Variants in B3GAT2 observed in about 807,000 individuals in gnomAD.
The protein encoded by B3GAT2 is beta-1,3-glucuronyltransferase 2.
A neutral mutation model predicts 27.8 loss-of-function variants in B3GAT2; 26 were observed. The ratio of observed to expected loss-of-function variants is 0.93; its 90% CI spans 0.68 to 1.30. The LOEUF (loss-of-function observed/expected upper bound fraction) is 1.30, where lower values mean the gene tolerates loss of function less well. Ranked by LOEUF, B3GAT2 falls within the 50% of genes most tolerant of loss-of-function variation. The probability of loss-of-function intolerance (pLI) is 0.00; values close to 1 mark genes in which losing one functional copy is unlikely to be tolerated. For missense variants in B3GAT2, 458 were observed against 459.0 expected, an observed-to-expected ratio of 1.00 and a Z score of 0.02; for synonymous variants, 218 against 195.1, an observed-to-expected ratio of 1.12 and a Z score of -0.98.
intron 1 of B3GAT2, among the ~76,000 whole-genome samples, chr6:70,944,257 G>T (rs572417945): frequency 2.6e-5 from 4 of 152,262 alleles, no homozygotes; most frequent in Admixed American, 2.6e-4. Flanking sequence ...GTGCCCAAGC[G>T]AAAGCAGGGC....
chr6:70,948,829 C>A (rs564681001), intron 1 of B3GAT2, among the ~76,000 whole-genome samples: 1 of 152,330 alleles, frequency 6.6e-6, no homozygotes, highest in Admixed American at 6.5e-5. Context: ...TGACTTCAAA[C>A]TATACTACAA....
At chr6:70,932,587 G>C (rs141987699) in intron 1 of B3GAT2, among the ~76,000 whole-genome samples, 3 of 152,130 alleles carry the variant, frequency 2.0e-5, no homozygotes, top group Non-Finnish European at 2.9e-5. Context: ...TACCTAGTCC[G>C]ATTCATGGAA....
chr6:70,912,358 T>A (rs1772701806), intron 1 of B3GAT2, among the ~76,000 whole-genome samples: 1 of 152,056 alleles, frequency 6.6e-6, no homozygotes, highest in African/African-American at 2.4e-5. Context: ...TTGCATTCAA[T>A]AGATGTATCT....
chr6:70,908,313 T>C (rs749509428), intron 1 of B3GAT2, among the ~76,000 whole-genome samples: 4 of 152,202 alleles, frequency 2.6e-5, no homozygotes, highest in African/African-American at 9.7e-5. Flanking sequence ...CACAGGAAAG[T>C]GGAAGCTTTC....
intron 1 of B3GAT2, among the ~76,000 whole-genome samples, chr6:70,937,066 G>A (rs1277279209): frequency 6.6e-6 from 1 of 151,842 alleles, no homozygotes; most frequent in Non-Finnish European, 1.5e-5. Flanking sequence ...ATGATAAAGG[G>A]GATATCACCA....
At chr6:70,933,731 C>T (rs186242435) in intron 1 of B3GAT2, among the ~76,000 whole-genome samples, 1 of 152,306 alleles carries the variant, frequency 6.6e-6, no homozygotes, top group Admixed American at 6.5e-5. Context: ...GCCAACAGAG[C>T]AGCACCTTGG....
At chr6:70,950,413 G>A (rs1435680760) in intron 1 of B3GAT2, among the ~76,000 whole-genome samples, 1 of 152,072 alleles carries the variant, frequency 6.6e-6, no homozygotes, top group Non-Finnish European at 1.5e-5. Context: ...TTCAAAAATG[G>A]CAGAAGACAG....
At chr6:70,929,613 A>C (rs971993795) in intron 1 of B3GAT2, among the ~76,000 whole-genome samples, 8 of 152,162 alleles carry the variant, frequency 5.3e-5, no homozygotes, top group Non-Finnish European at 1.0e-4. Context: ...AAGAGAATAA[A>C]ACACCCAGGA....
intron 1 of B3GAT2, among the ~76,000 whole-genome samples, chr6:70,927,567 A>C (rs191412122): frequency 4.6e-5 from 7 of 152,344 alleles, no homozygotes; most frequent in Admixed American, 2.0e-4. Flanking sequence ...CAAAGATCAA[A>C]AGAGACAAAG....
At chr6:70,907,387 C>G (rs891818251) in intron 1 of B3GAT2, among the ~76,000 whole-genome samples, 3 of 152,282 alleles carry the variant, frequency 2.0e-5, no homozygotes, top group Non-Finnish European at 4.4e-5. Context: ...AGCCTGAAGA[C>G]AAAGCTGACA....
chr6:70,872,483 G>A (rs529828043), intron 2 of B3GAT2, among the ~76,000 whole-genome samples: 27 of 139,936 alleles, frequency 1.9e-4, no homozygotes, highest in African/African-American at 7.2e-4. Flanking sequence ...TTTGTCTGGT[G>A]TTCATATAAT....
At chr6:70,925,599 G>C (rs1772942483) in intron 1 of B3GAT2, among the ~76,000 whole-genome samples, 2 of 152,326 alleles carry the variant, frequency 1.3e-5, no homozygotes, top group South Asian at 4.1e-4. Context: ...GACTGGGGGA[G>C]GGGCGTCTGC....
chr6:70,956,215 T>C lies in B3GAT2; in HGVS notation c.215A>G (p.Gln72Arg), dbSNP rs750778011. The C allele has an allele frequency of 1.2e-6, 2 of 1,612,336 alleles. No homozygotes were observed. The highest frequency in any genetic ancestry group is 4.5e-5 in the East Asian group (2 of 44,816). ...GGGCAGCTGCGGCTCCGGCTGTGGC[T>C]GCGGCCGAGACTGGTTGCGCTTTTG... is the stretch of plus-strand genomic sequence containing the variant. Reference protein sequence around the residue: ...GTQKRNQSRPQPQPEPQLPTI... With the variant: ...GTQKRNQSRPRPQPEPQLPTI... The change falls in exon 1 of 4, where the codon CAG (glutamine) becomes CGG (arginine). Residue 72 changes from glutamine to arginine, a missense_variant. Physicochemically the swap from Gln to Arg is conservative, Grantham distance 43. Transcript: ENST00000230053.
At chr6:70,947,917 T>C (rs1344875426) in intron 1 of B3GAT2, among the ~76,000 whole-genome samples, 1 of 152,122 alleles carries the variant, frequency 6.6e-6, no homozygotes, top group Non-Finnish European at 1.5e-5. Context: ...GATGCAAGGC[T>C]GGTTCAATAT....
At chr6:70,880,758 CG>C (rs1400256946) in intron 2 of B3GAT2, among the ~76,000 whole-genome samples, 3 of 151,946 alleles carry the variant, frequency 2.0e-5, no homozygotes, top group African/African-American at 7.3e-5. Context: ...CTCTGCCTCC[CG>C]GGTTCAAACA....
At chr6:70,892,829 T>C (rs544732277) in intron 2 of B3GAT2, among the ~76,000 whole-genome samples, 7 of 152,074 alleles carry the variant, frequency 4.6e-5, no homozygotes, top group Non-Finnish European at 1.0e-4. Flanking sequence ...TCTGAGCGGG[T>C]CGAGGGCAGG....
At position 70,935,456 on chromosome 6, in the gene B3GAT2, T is replaced by G. The variant is rs115753217; in HGVS notation, c.591+20383A>C. Among the ~76,000 whole-genome samples, 453 of 149,886 alleles carry G rather than the reference T, an allele frequency of 3.0e-3. 6 individuals are homozygous for G. The highest frequency in any genetic ancestry group is 0.011 in the African/African-American group (438 of 40,694). On this transcript the variant is annotated intron_variant, in intron 1 of 3. Transcript: ENST00000230053. ...GCAACAGAGAGAGACCCTGTCTCAC[T>G]TAAAAATATATATATGTGTATATAT...
rs951776976 is a variant in B3GAT2, at chr6:70,956,158, C to A, written c.272G>T (p.Arg91Leu). The change falls in exon 1 of 4, where the codon CGC (arginine) becomes CTC (leucine). Residue 91 changes from arginine to leucine, a missense_variant. Physicochemically the swap from Arg to Leu is moderately radical, Grantham distance 102. Coordinates refer to ENST00000230053, the MANE Select transcript of B3GAT2 (RefSeq NM_080742.3). ...TIYAITPTYS[R>L]PVQKAELTRL... ...GGTCAGCTCCGCTTTCTGCACCGGG[C>A]GGCTGTAGGTGGGCGTGATGGCATA... The A allele has an allele frequency of 1.2e-5, 19 of 1,607,122 alleles. No homozygotes were observed. Among genetic ancestry groups the A allele is most frequent in the Non-Finnish European group, 1.4e-5 (17 of 1,176,534 alleles).
chr6:70,893,889 C>T (rs943466943), intron 2 of B3GAT2, among the ~76,000 whole-genome samples: 2 of 152,126 alleles, frequency 1.3e-5, no homozygotes, highest in African/African-American at 4.8e-5. Context: ...GATAAAGGCA[C>T]AGACAGGGGA....
Sources: allele counts gnomAD v4.1 joint callset (sites outside exome capture counted in the v4.1 genomes callset), GRCh38; gene constraint gnomAD v4.1.1; transcripts MANE v1.5; gene names NCBI Gene and HGNC (gene_info 2026-07-23, HGNC 2026-07-21).